The following GAS2 variants were observed in gnomAD, a reference collection of about 807,000 sequenced individuals.
The protein encoded by GAS2 is growth arrest specific 2.
Under a neutral mutation model 37.5 loss-of-function variants are expected in GAS2, and 20 were observed. That is an observed-to-expected ratio of 0.53 (90% CI 0.37 to 0.77). The LOEUF is 0.77. GAS2 is among the 30% of genes least tolerant of loss of function. The probability of loss-of-function intolerance (pLI) is 0.00; values close to 1 mark genes in which losing one functional copy is unlikely to be tolerated. For missense variants in GAS2, 336 were observed against 373.4 expected, an observed-to-expected ratio of 0.90 and a Z score of 0.82; for synonymous variants, 144 against 132.2, an observed-to-expected ratio of 1.09 and a Z score of -0.61.
intron 1 of GAS2, among the ~76,000 whole-genome samples, chr11:22,633,132 T>A (rs558916966): frequency 5.3e-4 from 81 of 152,318 alleles, no homozygotes; most frequent in African/African-American, 1.9e-3. Context: ...AGAATCATGT[T>A]TTTACATATT....
chr11:22,759,927 T>G (rs537949898), intron 7 of GAS2, among the ~76,000 whole-genome samples: 9 of 152,222 alleles, frequency 5.9e-5, no homozygotes, highest in African/African-American at 2.2e-4. Context: ...TTCAGAAATA[T>G]GTCTTAGATG....
intron 1 of GAS2, among the ~76,000 whole-genome samples, chr11:22,667,587 T>C (rs1290865037): frequency 6.7e-6 from 1 of 149,940 alleles, no homozygotes; most frequent in African/African-American, 2.5e-5. Context: ...CTGAAATTGT[T>C]TGGGGAACAA....
intron 1 of GAS2, among the ~76,000 whole-genome samples, chr11:22,627,001 C>T (rs1273470491): frequency 1.3e-5 from 2 of 152,208 alleles, no homozygotes; most frequent in East Asian, 3.9e-4. Flanking sequence ...CCTTATTGGT[C>T]AGGCTGGTCT....
chr11:22,697,054 T>G (rs945237452), intron 3 of GAS2, among the ~76,000 whole-genome samples: 1 of 152,090 alleles, frequency 6.6e-6, no homozygotes, highest in African/African-American at 2.4e-5. Context: ...CTAGGTTTTC[T>G]TCTAGGGTTT....
rs552081680 is a variant in GAS2, at chr11:22,696,475, G to A, written c.267+10686G>A. On this transcript the variant is annotated intron_variant, in intron 3 of 7. Transcript: ENST00000454584. ...ATATACCCAGTAATGAGATGGCTGG[G>A]TCAAATGGTATTTCTAGTTCTAGAT... 1.6e-4 allele frequency among the ~76,000 whole-genome samples: 25 copies of A among 152,072 alleles called. 1 individual carries two copies. The East Asian group carries it at 3.7e-3, about 22-fold the overall frequency.
intron 7 of GAS2, among the ~76,000 whole-genome samples, chr11:22,805,564 C>T (rs922462100): frequency 2.0e-5 from 3 of 152,096 alleles, no homozygotes; most frequent in Non-Finnish European, 4.4e-5. Context: ...TAGTAACCAC[C>T]ATTCTTTTCT....
Position 22,704,588 on chromosome 11 carries a change from CATATATATATATATATATATAT to C in GAS2, c.267+18814_267+18835del, listed in dbSNP as rs3049395. 2.8e-4 allele frequency among the ~76,000 whole-genome samples: 25 copies of C among 90,510 alleles called. No individual in the cohort carries two copies. In the South Asian group the frequency reaches 6.1e-3, roughly 22 times the overall value. The allele number at this position is 90,510 out of a possible 152,430, so 59.4% of individuals were successfully genotyped here. A position where few individuals can be genotyped will look rare whatever the true frequency, so the allele number is the denominator to read the frequency against. Reference sequence around the variant, plus strand: ...TCAATTAGAAGCCAGTGAAAATAAACATATATATATATATATATATATATATATATATATATTTTGCTCATCT... The same window carrying C: ...TCAATTAGAAGCCAGTGAAAATAAACATATATATATATATTTTGCTCATCT... On this transcript the variant is annotated intron_variant, in intron 3 of 7. Transcript: ENST00000454584.
intron 3 of GAS2, among the ~76,000 whole-genome samples, chr11:22,705,049 T>C (rs1029728180): frequency 4.6e-5 from 7 of 152,280 alleles, no homozygotes; most frequent in Admixed American, 4.6e-4. Flanking sequence ...AAACTCAAAG[T>C]AGATTATGCC....
chr11:22,661,926 A>G (rs1193369472), upstream of GAS2, among the ~76,000 whole-genome samples: 3 of 152,198 alleles, frequency 2.0e-5, no homozygotes, highest in Admixed American at 6.6e-5. Flanking sequence ...TTAAAATTGA[A>G]TAGCATAGAA....
chr11:22,783,914 T>G (rs1418485942), intron 7 of GAS2, among the ~76,000 whole-genome samples: 1 of 152,192 alleles, frequency 6.6e-6, no homozygotes, highest in East Asian at 1.9e-4. Flanking sequence ...TTTTCCCCAT[T>G]GCTTACTTTT....
At chr11:22,774,993 T>C (rs1350632052) in intron 7 of GAS2, among the ~76,000 whole-genome samples, 1 of 151,748 alleles carries the variant, frequency 6.6e-6, no homozygotes, top group Non-Finnish European at 1.5e-5. Flanking sequence ...AGAGACCTCA[T>C]CAGAACTGTA....
intron 5 of GAS2, among the ~76,000 whole-genome samples, chr11:22,742,825 T>G (rs978053990): frequency 6.6e-6 from 1 of 152,132 alleles, no homozygotes; most frequent in Non-Finnish European, 1.5e-5. Flanking sequence ...TTAAAAATTA[T>G]GCAATCTATT....
chr11:22,651,564 C>T (rs542913426), intron 1 of GAS2, among the ~76,000 whole-genome samples: 3 of 152,340 alleles, frequency 2.0e-5, no homozygotes, highest in Middle Eastern at 3.4e-3. Flanking sequence ...ACCAATCAGA[C>T]ATAGATTTGG....
At chr11:22,660,815 A>G (rs538332453) in intron 1 of GAS2, among the ~76,000 whole-genome samples, 1 of 152,202 alleles carries the variant, frequency 6.6e-6, no homozygotes, top group Admixed American at 6.5e-5. Flanking sequence ...GAAAAGCCCC[A>G]CTGACACTGA....
At chr11:22,724,144 G>A (rs551801526) in intron 3 of GAS2, among the ~76,000 whole-genome samples, 1 of 151,908 alleles carries the variant, frequency 6.6e-6, no homozygotes, top group Admixed American at 6.6e-5. Flanking sequence ...CATCTGTGTT[G>A]CATGTGTATA....
At chr11:22,661,997 A>G (rs1444352658), upstream of GAS2, among the ~76,000 whole-genome samples, 4 of 152,186 alleles carry the variant, frequency 2.6e-5, no homozygotes, top group African/African-American at 9.7e-5. Context: ...AAAGTACGTA[A>G]TGTTTTTGTG....
intron 3 of GAS2, among the ~76,000 whole-genome samples, chr11:22,701,131 G>A (rs188604559): frequency 6.6e-6 from 1 of 152,144 alleles, no homozygotes; most frequent in East Asian, 1.9e-4. Context: ...CTAGTACTTA[G>A]GAAAACTGCA....
rs1294615961 is a variant in GAS2 at position 22,700,538 on chromosome 11, C to G, written c.267+14749C>G. Among the ~76,000 whole-genome samples, 4 of 152,234 alleles carry G rather than the reference C, an allele frequency of 2.6e-5. No individual in the cohort carries two copies. In the South Asian group the frequency reaches 8.3e-4, roughly 32 times the overall value. ...ACTGACAAGAGATTGGCTGAAGTAA[C>G]AGACCATGGGGATTTAAACTAGTTA... On this transcript the variant is annotated intron_variant, in intron 3 of 7. Coordinates refer to ENST00000454584, the MANE Select transcript of GAS2 (RefSeq NM_001143830.3).
chr11:22,740,401 G>A (rs146799537), intron 5 of GAS2, among the ~76,000 whole-genome samples: 2,095 of 152,148 alleles, frequency 0.014, 54 homozygotes, highest in African/African-American at 0.048. Flanking sequence ...TATTTAATTT[G>A]TAAATTTGGC....
Sources: allele counts gnomAD v4.1 joint callset (sites outside exome capture counted in the v4.1 genomes callset), GRCh38; gene constraint gnomAD v4.1.1; transcripts MANE v1.5; gene names NCBI Gene and HGNC (gene_info 2026-07-23, HGNC 2026-07-21).